RELN: variants seen among roughly 807,000 people sequenced by gnomAD.
RELN encodes the protein reelin.
A neutral mutation model predicts 427.6 loss-of-function variants in RELN; 108 were observed. The observed-to-expected ratio is 0.25, with a 90% CI of 0.22 to 0.30. The LOEUF (loss-of-function observed/expected upper bound fraction) is 0.30. RELN is among the 10% of genes least tolerant of loss of function. The pLI is 1.00. For synonymous variants in RELN, 1,524 were observed against 1,513.4 expected (o/e 1.01, Z -0.16); for missense variants, 3,715 against 4,302.8 (o/e 0.86, Z 3.82).
chr7:103,777,668 A>G (rs1414039841), intron 3 of RELN, among the ~76,000 whole-genome samples: 1 of 152,078 alleles, frequency 6.6e-6, no homozygotes, highest in Non-Finnish European at 1.5e-5. Context: ...CTGGCTCCCA[A>G]CATTCCTTGC....
chr7:103,864,800 C>A (rs766641508), intron 2 of RELN, among the ~76,000 whole-genome samples: 6 of 150,934 alleles, frequency 4.0e-5, no homozygotes, highest in Admixed American at 6.6e-5. Flanking sequence ...ATGGACAAAC[C>A]CTTAGCCAGA....
chr7:103,724,110 T>C (rs1790143531), intron 7 of RELN, among the ~76,000 whole-genome samples: 1 of 152,200 alleles, frequency 6.6e-6, no homozygotes, highest in Non-Finnish European at 1.5e-5. Context: ...CTCCACCGTA[T>C]GCAATAGAAA....
chr7:103,557,893 G>A (rs762767191), intron 37 of RELN, 72 bp downstream of exon 37: 36 of 771,884 alleles, frequency 4.7e-5, no homozygotes, highest in African/African-American at 1.5e-4. Context: ...CCTTAAATCC[G>A]TGATTTCTTT....
intron 1 of RELN, among the ~76,000 whole-genome samples, chr7:103,983,492 T>C (rs188899739): frequency 4.7e-4 from 71 of 152,328 alleles, no homozygotes; most frequent in African/African-American, 1.6e-3. Context: ...ATTCCTGCGT[T>C]TGAACAGTCA....
intron 3 of RELN, among the ~76,000 whole-genome samples, chr7:103,830,052 G>T (rs39359): frequency 6.6e-6 from 1 of 151,632 alleles, no homozygotes; most frequent in African/African-American, 2.4e-5. Flanking sequence ...GTTGTAAGAC[G>T]TTAAAAAATA....
chr7:103,866,641 G>C (rs1340692389), intron 2 of RELN, among the ~76,000 whole-genome samples: 1 of 151,838 alleles, frequency 6.6e-6, no homozygotes, highest in South Asian at 2.1e-4. Flanking sequence ...TTTCTGATAG[G>C]CATCCCTATC....
At chr7:103,722,126 CA>C (rs1390661211) in intron 8 of RELN, among the ~76,000 whole-genome samples, 2 of 152,032 alleles carry the variant, frequency 1.3e-5, no homozygotes, top group African/African-American at 4.8e-5. Flanking sequence ...GAAAATAACC[CA>C]AAATGTAATC....
chr7:103,590,546 C>A (rs1831386276), intron 27 of RELN, among the ~76,000 whole-genome samples: 1 of 149,554 alleles, frequency 6.7e-6, no homozygotes, highest in African/African-American at 2.5e-5. Flanking sequence ...GGTGACAGAG[C>A]CAGACTCCAT....
chr7:103,548,510 C>A (rs574997335), intron 41 of RELN, among the ~76,000 whole-genome samples: 1 of 152,330 alleles, frequency 6.6e-6, no homozygotes, highest in East Asian at 1.9e-4. Flanking sequence ...GACTAGACAA[C>A]ACCCTTAAGG....
intron 2 of RELN, among the ~76,000 whole-genome samples, chr7:103,851,858 G>C (rs947669685): frequency 5.3e-5 from 8 of 152,344 alleles, no homozygotes; most frequent in South Asian, 2.1e-4. Context: ...CAGAAATGAA[G>C]TATACTATTC....
At chr7:103,501,071 C>T in intron 52 of RELN, 149 bp from the exon 53 acceptor site, 2 of 726,240 alleles carry the variant, frequency 2.8e-6, no homozygotes, top group Non-Finnish European at 4.7e-6. Flanking sequence ...GTTTTCTGAC[C>T]ACTCTTATCT....
At chr7:103,696,568 T>C (rs1007932507) in intron 10 of RELN, among the ~76,000 whole-genome samples, 1 of 152,178 alleles carries the variant, frequency 6.6e-6, no homozygotes, top group Non-Finnish European at 1.5e-5. Flanking sequence ...ACCTTGTCCC[T>C]GACATCTATC....
intron 63 of RELN, among the ~76,000 whole-genome samples, chr7:103,481,463 A>G (rs1828234092): frequency 6.6e-6 from 1 of 152,058 alleles, no homozygotes; most frequent in South Asian, 2.1e-4. Context: ...GTGGTTATTG[A>G]CTCTCATTTT....
intron 2 of RELN, among the ~76,000 whole-genome samples, chr7:103,852,075 C>T (rs924898007): frequency 6.6e-6 from 1 of 152,170 alleles, no homozygotes; most frequent in African/African-American, 2.4e-5. Context: ...CAAGATGGAA[C>T]TTACCTGATT....
At chr7:103,485,197 A>T (rs1828387261) in intron 61 of RELN, among the ~76,000 whole-genome samples, 1 of 142,254 alleles carries the variant, frequency 7.0e-6, no homozygotes, top group South Asian at 2.3e-4. Flanking sequence ...ACACCAGGTT[A>T]TCTCTAGATT....
At chr7:103,924,991 T>TACACAC (rs57662220) in intron 1 of RELN, among the ~76,000 whole-genome samples, 2,407 of 48,834 alleles carry the variant, frequency 0.049, 37 homozygotes, top group South Asian at 0.091. Flanking sequence ...CGCATACACA[T>TACACAC]ACACACACAC....
chr7:103,811,771 G>A (rs1194952267), intron 3 of RELN, among the ~76,000 whole-genome samples: 1 of 152,116 alleles, frequency 6.6e-6, no homozygotes, highest in African/African-American at 2.4e-5. Flanking sequence ...AATTCCTTAT[G>A]GATTTCCCTT....
At position 103,695,732 on chromosome 7, in the gene RELN, T is replaced by G. The variant is rs973808510; in HGVS notation, c.1143+2121A>C. On this transcript the variant is annotated intron_variant, in intron 10 of 64. Transcript: ENST00000428762. ...CCCAGGCCCCGAGGTCTCCTGGGTTTATGCATCTGCTTGCCAGTGTTGAAC... is the reference window on the plus strand; with the variant it reads ...CCCAGGCCCCGAGGTCTCCTGGGTTGATGCATCTGCTTGCCAGTGTTGAAC... 5.8e-4 allele frequency among the ~76,000 whole-genome samples: 89 copies of G among 152,256 alleles called. 1 individual carries two copies. The highest frequency in any genetic ancestry group is 2.0e-3 in the African/African-American group (84 of 41,558).
intron 41 of RELN, among the ~76,000 whole-genome samples, chr7:103,549,968 C>G (rs1344823867): frequency 6.6e-6 from 1 of 152,144 alleles, no homozygotes; most frequent in Admixed American, 6.5e-5. Context: ...CCTATGATCT[C>G]CAGAGACACT....
Sources: gnomAD v4.1 joint callset for allele counts (sites outside exome capture counted in the v4.1 genomes callset) on GRCh38, gnomAD v4.1.1 for gene constraint, MANE v1.5 for transcripts, NCBI Gene and HGNC (gene_info 2026-07-23, HGNC 2026-07-21) for gene names.